Variants in RGS3 observed in about 807,000 individuals in gnomAD.
The protein encoded by RGS3 is regulator of G-protein signalling 3.
A neutral mutation model predicts 132.6 loss-of-function variants in RGS3; 80 were observed. The observed-to-expected ratio is 0.60, with a 90% CI of 0.50 to 0.73. The LOEUF (loss-of-function observed/expected upper bound fraction) is 0.73, where lower values mean the gene tolerates loss of function less well. Ranked by LOEUF, RGS3 falls within the 30% of genes least tolerant of loss-of-function variation. The pLI is 0.00. For missense variants in RGS3, 1,382 were observed against 1,530.8 expected (o/e 0.90, Z 1.62); for synonymous variants, 598 against 620.6 (o/e 0.96, Z 0.54).
intron 10 of RGS3, chr9:113,501,436 T>A: frequency 6.8e-7 from 1 of 1,476,110 alleles, no homozygotes; most frequent in Non-Finnish European, 9.0e-7. Flanking sequence ...CTTGGGGAGG[T>A]GAGAGGTGAT....
chr9:113,505,602 A>AG, intron 11 of RGS3, 79 bp downstream of exon 9: 1 of 1,152,098 alleles, frequency 8.7e-7, no homozygotes, highest in Non-Finnish European at 1.3e-6. Flanking sequence ...TGGAACTAAA[A>AG]GGGGAGCCCC....
At chr9:113,485,027 G>A (rs1308968100) in intron 6 of RGS3, among the ~76,000 whole-genome samples, 1 of 151,568 alleles carries the variant, frequency 6.6e-6, no homozygotes, top group Non-Finnish European at 1.5e-5. Context: ...GTGTATGTTT[G>A]CGTGTGGGTG....
At chr9:113,492,883 A>G (rs1034118846) in intron 7 of RGS3, among the ~76,000 whole-genome samples, 3 of 152,242 alleles carry the variant, frequency 2.0e-5, no homozygotes, top group Non-Finnish European at 4.4e-5. Flanking sequence ...GCCCCTTAGC[A>G]GGAAGTAAAA....
At chr9:113,557,640 AC>A (rs1269857873) in intron 19 of RGS3, among the ~76,000 whole-genome samples, 10 of 152,174 alleles carry the variant, frequency 6.6e-5, no homozygotes, top group African/African-American at 2.4e-4. Context: ...CATGGTCCTC[AC>A]CCCACAGAGC....
In RGS3 at chr9:113,591,584, C is replaced by T. The variant is rs1835432432; in HGVS notation, c.3080+187C>T. 3.4e-6 allele frequency: 2 copies of T among 590,018 alleles called. No homozygotes were observed. Among genetic ancestry groups the T allele is most frequent in the South Asian group, 3.9e-5 (2 of 51,262 alleles). The allele number at this position is 590,018 out of a possible 1,614,324, so 36.5% of individuals were successfully genotyped here. On this transcript the variant is annotated intron_variant, in intron 21 of 24. Coordinates refer to ENST00000350696, the Ensembl canonical transcript of RGS3. The surrounding 1 kb of genome is among the most constrained non-coding windows in gnomAD (Gnocchi z 4.4). Reference sequence around the variant, plus strand: ...ACCCCAAAGTGGGGTCACCTGGGTCCTGAGCATTCTCTCCAAGTGAGGCAA... The same window carrying T: ...ACCCCAAAGTGGGGTCACCTGGGTCTTGAGCATTCTCTCCAAGTGAGGCAA...
intron 23 of RGS3, chr9:113,595,192 C>G: frequency 3.4e-6 from 2 of 596,522 alleles, no homozygotes; most frequent in Non-Finnish European, 6.0e-6. Flanking sequence ...TCCATGTGAG[C>G]TGGCACTGCC....
At chr9:113,572,931 G>A (rs1215756058) in intron 19 of RGS3, among the ~76,000 whole-genome samples, 2 of 152,230 alleles carry the variant, frequency 1.3e-5, no homozygotes, top group Non-Finnish European at 2.9e-5. Flanking sequence ...GTCAGAATAC[G>A]TCAAGTGCCC....
rs994154951 is a variant in RGS3 at position 113,485,621 on chromosome 9, G to A, written c.621-4G>A. On this transcript the variant is annotated splice_region_variant and splice_polypyrimidine_tract_variant and intron_variant, in intron 6 of 24. Coordinates refer to ENST00000350696, the Ensembl canonical transcript of RGS3. The stretch of plus-strand genomic sequence containing the variant: ...ACACTCCGATGGTCTGATTGATTTC[G>A]CAGTCCTGTCCAAGAGGAGGATGAT... The A allele has an allele frequency of 1.2e-5, 19 of 1,592,896 alleles. No individual in the cohort carries two copies. The East Asian group carries it at 1.8e-4, about 15-fold the overall frequency.
rs200621255 is a variant in RGS3 at position 113,532,377 on chromosome 9, CAA to C, written c.1914+3114_1914+3115del. Among the ~76,000 whole-genome samples, 636 of 147,886 alleles carry C rather than the reference CAA, an allele frequency of 4.3e-3. 3 individuals are homozygous for C. Among genetic ancestry groups the C allele is most frequent in the Middle Eastern group, 0.014 (4 of 292 alleles). ...TTAGTGCTCTCTCTCTTGGCTTGGC[CAA>C]GAGAGAGAGAGACCAAAGCTTAGGT... On this transcript the variant is annotated intron_variant, in intron 18 of 24. Coordinates refer to ENST00000350696, the Ensembl canonical transcript of RGS3.
At chr9:113,455,609 TC>T (rs1465065428), upstream of RGS3, among the ~76,000 whole-genome samples, 1 of 152,242 alleles carries the variant, frequency 6.6e-6, no homozygotes, top group Non-Finnish European at 1.5e-5. Flanking sequence ...AAATCTTGAA[TC>T]TTTTACTTGG....
intron 19 of RGS3, among the ~76,000 whole-genome samples, chr9:113,560,987 C>T (rs183724498): frequency 1.3e-5 from 2 of 152,260 alleles, no homozygotes; most frequent in African/African-American, 4.8e-5. Flanking sequence ...TCTGGAATTC[C>T]TGGGACCACA....
intron 19 of RGS3, among the ~76,000 whole-genome samples, chr9:113,550,254 T>G (rs1364186554): frequency 2.0e-5 from 3 of 152,158 alleles, no homozygotes; most frequent in Admixed American, 1.3e-4. Context: ...TCCCAGCTAC[T>G]GGGGAGGCTG....
chr9:113,528,859 C>T (rs184723227), intron 17 of RGS3, among the ~76,000 whole-genome samples: 4 of 152,224 alleles, frequency 2.6e-5, no homozygotes, highest in African/African-American at 4.8e-5. Context: ...CAGATGTGTG[C>T]TGCCTCCAGG....
chr9:113,462,012 C>G, intron 2 of RGS3: 4 of 1,612,324 alleles, frequency 2.5e-6, no homozygotes, highest in Non-Finnish European at 3.4e-6. Flanking sequence ...TCCCATCTTG[C>G]TCCTGCAGGT....
At chr9:113,454,564 T>C (rs1398482743) in intron 1 of RGS3, among the ~76,000 whole-genome samples, 2 of 151,956 alleles carry the variant, frequency 1.3e-5, no homozygotes, top group Non-Finnish European at 2.9e-5. Context: ...GCTGAGATCT[T>C]GCTACTGCAC....
intron 10 of RGS3, chr9:113,501,398 C>T (rs973857396): frequency 1.7e-5 from 24 of 1,418,410 alleles, no homozygotes; most frequent in Non-Finnish European, 2.1e-5. Context: ...TCGGGCTTAT[C>T]GTGCAGAGGC....
At chr9:113,483,383 A>T (rs1261051317) in intron 5 of RGS3, among the ~76,000 whole-genome samples, 2 of 152,182 alleles carry the variant, frequency 1.3e-5, no homozygotes, top group Admixed American at 1.3e-4. Context: ...GAGTATGTGG[A>T]TGGCTGAAAT....
At chr9:113,546,263 C>T (rs1295529254) in intron 19 of RGS3, among the ~76,000 whole-genome samples, 1 of 152,202 alleles carries the variant, frequency 6.6e-6, no homozygotes, top group African/African-American at 2.4e-5. Context: ...CCTCAACCTT[C>T]AAGGCTTAGT....
At chr9:113,508,374 G>A (rs111931608) in intron 13 of RGS3, among the ~76,000 whole-genome samples, 167 bp from the exon 12 acceptor site, 2,208 of 152,276 alleles carry the variant, frequency 0.015, 61 homozygotes, top group African/African-American at 0.05. Context: ...GGGATTTTGT[G>A]TTCTCTCCCA....
Sources: gnomAD v4.1 joint callset for allele counts (sites outside exome capture counted in the v4.1 genomes callset) on GRCh38, gnomAD v4.1.1 for gene constraint, Gnocchi (gnomAD v3.1) non-coding constraint, MANE v1.5 for transcripts, NCBI Gene and HGNC (gene_info 2026-07-23, HGNC 2026-07-21) for gene names.